CSMD3: variants seen among roughly 807,000 people sequenced by gnomAD.
CSMD3 encodes the protein CUB and Sushi multiple domains 3.
In CSMD3, 177 loss-of-function variants were observed where a neutral mutation model predicts 435.2. The ratio of observed to expected loss-of-function variants is 0.41; its 90% CI spans 0.36 to 0.46. The LOEUF is 0.46. Ranked by LOEUF, CSMD3 falls within the 20% of genes least tolerant of loss-of-function variation. The probability of loss-of-function intolerance (pLI) is 0.34; values close to 1 mark genes in which losing one functional copy is unlikely to be tolerated. For synonymous variants in CSMD3, 1,656 were observed against 1,520.5 expected, an observed-to-expected ratio of 1.09 and a Z score of -2.07; for missense variants, 4,265 against 4,504.6, an observed-to-expected ratio of 0.95 and a Z score of 1.52.
In CSMD3 at chr8:112,306,204, T is replaced by C; in HGVS notation, c.7886-12A>G. On this transcript the variant is annotated splice_polypyrimidine_tract_variant and intron_variant, in intron 50 of 70. Coordinates refer to ENST00000297405, the MANE Select transcript of CSMD3 (RefSeq NM_198123.2). The stretch of plus-strand genomic sequence containing the variant: ...CCCACAGGAAATTGCTAGAAAAACA[T>C]ACACACAAGCAAAATCGTATAAACA... 1 of 1,605,998 alleles carries C rather than the reference T, an allele frequency of 6.2e-7. No homozygotes were observed. Among genetic ancestry groups the C allele is most frequent in the Non-Finnish European group, 8.5e-7 (1 of 1,173,618 alleles).
At chr8:112,747,080 C>T (rs1374752772) in intron 13 of CSMD3, among the ~76,000 whole-genome samples, 1 of 150,676 alleles carries the variant, frequency 6.6e-6, no homozygotes, top group Non-Finnish European at 1.5e-5. Context: ...TTAAAATTTC[C>T]ATATCATAAT....
chr8:112,561,957 A>G (rs1457050760), intron 24 of CSMD3, among the ~76,000 whole-genome samples: 1 of 151,590 alleles, frequency 6.6e-6, no homozygotes, highest in Non-Finnish European at 1.5e-5. Flanking sequence ...TTGGTGACAT[A>G]TTCCCAAACT....
intron 1 of CSMD3, among the ~76,000 whole-genome samples, chr8:113,372,017 G>C (rs2094348618): frequency 6.6e-6 from 1 of 152,130 alleles, no homozygotes; most frequent in Non-Finnish European, 1.5e-5. Context: ...ATAGCCTACA[G>C]TTCCACACTA....
At chr8:112,390,601 T>C in intron 36 of CSMD3, 63 bp downstream of exon 36, 1 of 1,327,432 alleles carries the variant, frequency 7.5e-7, no homozygotes, top group Non-Finnish European at 1.1e-6. Flanking sequence ...GTTCATTCTG[T>C]CATCTCTGAA....
At chr8:113,066,507 A>AT (rs1197678576) in intron 5 of CSMD3, among the ~76,000 whole-genome samples, 1 of 152,174 alleles carries the variant, frequency 6.6e-6, no homozygotes, top group African/African-American at 2.4e-5. Context: ...TTTAGTTAGC[A>AT]TAAGAGAATT....
chr8:112,964,888 A>T (rs1196604253), intron 7 of CSMD3, among the ~76,000 whole-genome samples: 2 of 151,990 alleles, frequency 1.3e-5, no homozygotes, highest in Admixed American at 1.3e-4. Context: ...TACGCAATGC[A>T]CCCTAAACCT....
At chr8:113,253,753 C>A (rs993302176) in intron 3 of CSMD3, among the ~76,000 whole-genome samples, 3 of 151,458 alleles carry the variant, frequency 2.0e-5, no homozygotes, top group Non-Finnish European at 4.4e-5. Flanking sequence ...GCAGGAGAAT[C>A]ACTTGAACTA....
intron 27 of CSMD3, among the ~76,000 whole-genome samples, chr8:112,539,793 A>C (rs1337496608): frequency 6.6e-6 from 1 of 152,120 alleles, no homozygotes; most frequent in Non-Finnish European, 1.5e-5. Flanking sequence ...TAATCTATGA[A>C]ACTACCAGAA....
intron 45 of CSMD3, among the ~76,000 whole-genome samples, chr8:112,326,837 A>G (rs934472921): frequency 1.3e-5 from 2 of 152,016 alleles, no homozygotes; most frequent in Non-Finnish European, 2.9e-5. Flanking sequence ...ACCTGCAGAG[A>G]CAGGTGAAAC....
chr8:113,051,477 G>A (rs1271100052), intron 5 of CSMD3, among the ~76,000 whole-genome samples: 1 of 151,986 alleles, frequency 6.6e-6, no homozygotes, highest in East Asian at 1.9e-4. Context: ...GTTTTTTACC[G>A]TTAAAGCTCT....
intron 6 of CSMD3, among the ~76,000 whole-genome samples, chr8:112,990,525 G>T (rs1224146928): frequency 2.0e-5 from 3 of 151,760 alleles, no homozygotes; most frequent in South Asian, 2.1e-4. Context: ...GAGGCTTTGT[G>T]AAAAATGTTA....
chr8:113,328,742 T>TC (rs1563706467), intron 1 of CSMD3, among the ~76,000 whole-genome samples: 7 of 121,474 alleles, frequency 5.8e-5, no homozygotes, highest in African/African-American at 2.0e-4. Context: ...TTTCTTTTTT[T>TC]TTTTTTTTTT....
In CSMD3 at chr8:112,551,619, A is replaced by T. The variant is rs182799737; in HGVS notation, c.4362-746T>A. 3.6e-3 allele frequency among the ~76,000 whole-genome samples: 543 copies of T among 152,212 alleles called. 2 individuals carry two copies. The highest frequency in any genetic ancestry group is 0.013 in the African/African-American group (521 of 41,562). On this transcript the variant is annotated intron_variant, in intron 26 of 70. Coordinates refer to ENST00000297405, the MANE Select transcript of CSMD3 (RefSeq NM_198123.2). ...AAATCTGGTGAATTTATTACTTTCAAGTTTAATAATATTTATATAAAACAA... is the reference window on the plus strand; with the variant it reads ...AAATCTGGTGAATTTATTACTTTCATGTTTAATAATATTTATATAAAACAA...
At position 112,636,959 on chromosome 8, in the gene CSMD3, A is replaced by G; in HGVS notation, c.3573T>C (p.Gly1191=). Residue 1191 remains glycine (G), a synonymous_variant, in exon 22 of 71, where the codon GGT becomes GGC. Transcript: ENST00000297405. ...PCEDPGIPQY[G]SRIGFNFGIG... ...TCCCAAAGTTGAACCCGATTCGACT[A>G]CCATATTGAGGAATGCCAGGATCTT... 9 of 1,613,714 alleles carry G rather than the reference A, an allele frequency of 5.6e-6. No individual in the cohort carries two copies. In the African/African-American group the frequency reaches 6.7e-5, roughly 12 times the overall value.
intron 69 of CSMD3, among the ~76,000 whole-genome samples, chr8:112,229,270 T>C (rs1038490589): frequency 6.6e-6 from 1 of 152,100 alleles, no homozygotes; most frequent in African/African-American, 2.4e-5. Context: ...AAAATCATCA[T>C]GAGGCTAGAA....
intron 12 of CSMD3, among the ~76,000 whole-genome samples, chr8:112,801,881 AAG>A (rs1286687319): frequency 1.3e-5 from 2 of 152,010 alleles, no homozygotes; most frequent in Non-Finnish European, 2.9e-5. Flanking sequence ...AGAGAATACT[AAG>A]AGTTGTTTTT....
chr8:112,760,014 T>C (rs1202474939), intron 13 of CSMD3, among the ~76,000 whole-genome samples: 2 of 152,116 alleles, frequency 1.3e-5, no homozygotes, highest in East Asian at 1.9e-4. Flanking sequence ...AAGGTCACAA[T>C]GCTAATAAGT....
At chr8:112,826,305 C>T (rs962424165) in intron 12 of CSMD3, among the ~76,000 whole-genome samples, 1 of 152,150 alleles carries the variant, frequency 6.6e-6, no homozygotes, top group Non-Finnish European at 1.5e-5. Flanking sequence ...AACCCTCCCC[C>T]AAGAAGCTCA....
intron 32 of CSMD3, among the ~76,000 whole-genome samples, chr8:112,433,967 ATT>A (rs2130428979): frequency 6.6e-6 from 1 of 152,078 alleles, no homozygotes; most frequent in South Asian, 2.1e-4. Context: ...TATAATAGCT[ATT>A]TTGTTTTTTC....
Sources: gnomAD v4.1 joint callset for allele counts (sites outside exome capture counted in the v4.1 genomes callset) on GRCh38, gnomAD v4.1.1 for gene constraint, MANE v1.5 for transcripts, NCBI Gene and HGNC (gene_info 2026-07-23, HGNC 2026-07-21) for gene names.